CALHM6: variants seen among roughly 807,000 people sequenced by gnomAD.
CALHM6 encodes calcium homeostasis modulator family member 6.
Under a neutral mutation model 12.7 loss-of-function variants are expected in CALHM6, and 15 were observed. That is an observed-to-expected ratio of 1.18 (90% CI 0.79 to 1.82). The LOEUF (loss-of-function observed/expected upper bound fraction) is 1.82, where lower values mean the gene tolerates loss of function less well. CALHM6 is among the 40% of genes most tolerant of loss of function. CALHM6 has a pLI of 0.00. For missense variants in CALHM6, 434 were observed against 421.0 expected (o/e 1.03, Z -0.27); for synonymous variants, 212 against 193.7 (o/e 1.09, Z -0.78).
intron 2 of CALHM6, 102 bp downstream of exon 2, chr6:116,462,556 C>T (rs1784802992): frequency 1.4e-6 from 1 of 723,494 alleles, no homozygotes; most frequent in South Asian, 2.2e-5. Flanking sequence ...TCCAGATATA[C>T]AGTACCCTAA....
intron 1 of CALHM6, 124 bp downstream of exon 1, chr6:116,461,553 A>G (rs1784769143): frequency 5.4e-6 from 5 of 919,146 alleles, no homozygotes; most frequent in Non-Finnish European, 8.7e-6. Context: ...GTGGGTCAAG[A>G]AGGTTAGTTT....
Position 116,462,305 on chromosome 6 carries a change from TGCGCGGCCACCGGGA to T in CALHM6, c.385_399del (p.Thr129_Ala133del), listed in dbSNP as rs1421933959. 2.8e-6 allele frequency: 4 copies of T among 1,425,650 alleles called. No homozygotes were observed. The highest frequency in any genetic ancestry group is 2.7e-6 in the Non-Finnish European group (3 of 1,095,910). The allele number at this position is 1,425,650 out of a possible 1,614,324, so 88.3% of individuals were successfully genotyped here. On this transcript the variant is annotated inframe_deletion, in exon 2 of 3. Transcript: ENST00000368605. ...GCTGCTCGGGGGCGCCTTTTACGAG[TGCGCGGCCACCGGGA>T]GCGCGGCCTTCGCGCAGCGCCTGTG...
chr6:116,461,798 A>AAG, intron 1 of CALHM6, 74 bp from the exon 2 acceptor site: 1 of 1,068,644 alleles, frequency 9.4e-7, no homozygotes, highest in Non-Finnish European at 1.2e-6. Flanking sequence ...CCTTTAAAAA[A>AAG]AAAAAAAAAA....
Position 116,463,652 on chromosome 6 carries a change from C to A in CALHM6, c.895C>A (p.Pro299Thr), listed in dbSNP as rs377764786. Residue 299 changes from proline (P) to threonine (T), a missense_variant, in exon 3 of 3, where the codon CCT becomes ACT. Transcript: ENST00000368605. ...IRSTEGDTVIPVLGFVDSSGI... is the reference protein window; with the variant it reads ...IRSTEGDTVITVLGFVDSSGI... ...GTCTACTGAAGGAGATACGGTGATTCCTGTTCTTGGCTTTGTAGATTCATC... is the reference window on the plus strand; with the variant it reads ...GTCTACTGAAGGAGATACGGTGATTACTGTTCTTGGCTTTGTAGATTCATC... 3 of 1,613,658 alleles carry A rather than the reference C, an allele frequency of 1.9e-6. No homozygotes were observed. The African/African-American group carries it at 4.0e-5, about 22-fold the overall frequency.
Position 116,461,481 on chromosome 6 carries a change from G to A in CALHM6, c.-59+52G>A. On this transcript the variant is annotated intron_variant, in intron 1 of 2. Transcript: ENST00000368605. ...TTTGGTTTTACTGTGATCTGGCTTA[G>A]TAACTAGGGTGGCTGCAATAGAGGA... 2.0e-6 allele frequency: 3 copies of A among 1,504,808 alleles called. 1 individual carries two copies. The South Asian group carries it at 3.6e-5, about 18-fold the overall frequency. 93.2% of individuals were successfully genotyped at this position (1,504,808 alleles called of 1,614,324 possible).
Position 116,463,654 on chromosome 6 carries a change from T to A in CALHM6, c.897T>A (p.Pro299=). 6.2e-7 allele frequency: 1 copy of A among 1,613,530 alleles called. No homozygotes were observed. The highest frequency in any genetic ancestry group is 8.5e-7 in the Non-Finnish European group (1 of 1,179,816). ...CTACTGAAGGAGATACGGTGATTCC[T>A]GTTCTTGGCTTTGTAGATTCATCTG... ...IRSTEGDTVI[P]VLGFVDSSGI... The change falls in exon 3 of 3, where the codon CCT becomes CCA. Residue 299 remains proline, a synonymous_variant. Transcript: ENST00000368605.
chr6:116,461,766 G>T, intron 1 of CALHM6, 106 bp from the exon 2 acceptor site: 1 of 845,546 alleles, frequency 1.2e-6, no homozygotes, highest in Non-Finnish European at 1.7e-6. Context: ...GAAACTTTAG[G>T]AAGGTCTGAG....
At position 116,462,186 on chromosome 6, in the gene CALHM6, G is replaced by A; in HGVS notation, c.257G>A (p.Arg86His). Residue 86 changes from arginine (R) to histidine (H), a missense_variant, in exon 2 of 3, where the codon CGC (arginine) becomes CAC (histidine). Coordinates refer to ENST00000368605, the MANE Select transcript of CALHM6 (RefSeq NM_001010919.3). ...RLLTGCCSSA[R>H]ASCGSALRGS... ...CTCACCGGATGCTGCTCCAGCGCCC[G>A]CGCGAGTTGCGGATCGGCGCTGCGC... is the stretch of plus-strand genomic sequence containing the variant. 6.6e-7 allele frequency: 1 copy of A among 1,511,016 alleles called. No individual in the cohort carries two copies. Among genetic ancestry groups the A allele is most frequent in the Admixed American group, 2.0e-5 (1 of 49,528 alleles). 93.6% of individuals were successfully genotyped at this position (1,511,016 alleles called of 1,614,324 possible). A position where few individuals can be genotyped will look rare whatever the true frequency, so the allele number is the denominator to read the frequency against.
intron 1 of CALHM6, 126 bp downstream of exon 1, chr6:116,461,555 G>C: frequency 1.1e-6 from 1 of 907,864 alleles, no homozygotes; most frequent in Admixed American, 2.1e-5. Flanking sequence ...GGGTCAAGAA[G>C]GTTAGTTTCC....
intron 2 of CALHM6, among the ~76,000 whole-genome samples, chr6:116,462,775 C>T (rs1784807553): frequency 6.6e-6 from 1 of 152,058 alleles, no homozygotes; most frequent in Admixed American, 6.6e-5. Context: ...CACAACAGCT[C>T]TGTTGGGTGC....
intron 1 of CALHM6, 120 bp downstream of exon 1, chr6:116,461,549 C>G: frequency 2.1e-6 from 2 of 958,566 alleles, no homozygotes; most frequent in Admixed American, 2.1e-5. Context: ...GGCCGTGGGT[C>G]AAGAAGGTTA....
In CALHM6 at chr6:116,463,663, C is replaced by A. The variant is rs763020153; in HGVS notation, c.906C>A (p.Gly302=). 5.6e-6 allele frequency: 9 copies of A among 1,612,722 alleles called. No homozygotes were observed. Among genetic ancestry groups the A allele is most frequent in the Non-Finnish European group, 7.6e-6 (9 of 1,179,490 alleles). Residue 302 remains glycine, a synonymous_variant, in exon 3 of 3, where the codon GGC becomes GGA. Transcript: ENST00000368605. ...TEGDTVIPVL[G]FVDSSGINST... is the part of the protein sequence containing the mutation. ...GAGATACGGTGATTCCTGTTCTTGG[C>A]TTTGTAGATTCATCTGGTATAAACA...
chr6:116,462,033 C>G lies in CALHM6; in HGVS notation c.104C>G (p.Ser35Cys), dbSNP rs1345163206. 1.9e-6 allele frequency: 3 copies of G among 1,548,716 alleles called. No individual in the cohort carries two copies. Among genetic ancestry groups the G allele is most frequent in the Non-Finnish European group, 2.6e-6 (3 of 1,146,338 alleles). The part of the protein sequence containing the change: ...LLTAGGERIF[S>C]AVAFQCPCSA... ...ACGGCGGGCGGGGAGCGCATCTTCT[C>G]CGCCGTGGCATTCCAGTGCCCGTGC... The change falls in exon 2 of 3, where the codon TCC (serine) becomes TGC (cysteine). Residue 35 changes from serine to cysteine, a missense_variant. By Grantham distance (112) the Ser-to-Cys change is moderately radical (BLOSUM62 -1). Transcript: ENST00000368605.
In CALHM6 at chr6:116,461,943, G is replaced by C; in HGVS notation, c.14G>C (p.Arg5Pro). Reference protein sequence around the residue: MEKFRAVLDLHVKHH... With the variant: MEKFPAVLDLHVKHH... ...GGGACGAGGCTCATGGAGAAGTTTC[G>C]GGCGGTGCTGGACCTGCACGTCAAG... The change falls in exon 2 of 3, where the codon CGG becomes CCG. Residue 5 changes from arginine (R) to proline (P), a missense_variant. Physicochemically the swap from Arg to Pro is moderately radical, Grantham distance 103 (BLOSUM62 -2). Transcript: ENST00000368605. 1 of 1,517,450 alleles carries C rather than the reference G, an allele frequency of 6.6e-7. No individual in the cohort carries two copies. The highest frequency in any genetic ancestry group is 1.7e-4 in the Middle Eastern group (1 of 5,814). 94.0% of individuals were successfully genotyped at this position (1,517,450 alleles called of 1,614,324 possible). A position where few individuals can be genotyped will look rare whatever the true frequency, so the allele number is the denominator to read the frequency against.
In CALHM6 at chr6:116,462,468, G is replaced by A; in HGVS notation, c.525+14G>A. On this transcript the variant is annotated intron_variant, in intron 2 of 2. Coordinates refer to ENST00000368605, the MANE Select transcript of CALHM6 (RefSeq NM_001010919.3). ...GCTCAGTCGCAGGTCTGCCGCTGGC[G>A]CTGGGGGCGTTTGGGAGGAGCCGAG... 1.3e-6 allele frequency: 2 copies of A among 1,483,950 alleles called. No individual in the cohort carries two copies. The highest frequency in any genetic ancestry group is 2.9e-5 in the East Asian group (1 of 34,136). 91.9% of individuals were successfully genotyped at this position (1,483,950 alleles called of 1,614,324 possible). A position where few individuals can be genotyped will look rare whatever the true frequency, so the allele number is the denominator to read the frequency against.
rs1171767826 is a variant in CALHM6 at position 116,463,736 on chromosome 6, T to C, written c.*31T>C. 1 of 1,451,430 alleles carries C rather than the reference T, an allele frequency of 6.9e-7. No homozygotes were observed. Among genetic ancestry groups the C allele is most frequent in the African/African-American group, 1.4e-5 (1 of 70,436 alleles). The allele number at this position is 1,451,430 out of a possible 1,614,324, so 89.9% of individuals were successfully genotyped here. On this transcript the variant is annotated 3_prime_UTR_variant, in exon 3 of 3. Coordinates refer to ENST00000368605, the MANE Select transcript of CALHM6 (RefSeq NM_001010919.3). ...TGAATGAGTAGAAAAAAAAATTGTTTTGAATTATTGCTTTATTAAAAAATA... is the reference window on the plus strand; with the variant it reads ...TGAATGAGTAGAAAAAAAAATTGTTCTGAATTATTGCTTTATTAAAAAATA...
intron 1 of CALHM6, 115 bp from the exon 2 acceptor site, chr6:116,461,757 A>C: frequency 1.2e-6 from 1 of 823,714 alleles, no homozygotes; most frequent in Non-Finnish European, 1.8e-6. Context: ...TGAGAAAGTG[A>C]AACTTTAGGA....
rs1400362753 is a variant in CALHM6 at position 116,462,198 on chromosome 6, G to A, written c.269G>A (p.Gly90Glu). ...TGCTCCAGCGCCCGCGCGAGTTGCG[G>A]ATCGGCGCTGCGCGGCTCCCTGGTG... is the stretch of plus-strand genomic sequence containing the variant. ...GCCSSARASC[G>E]SALRGSLVCT... Residue 90 changes from glycine (G) to glutamate (E), a missense_variant, in exon 2 of 3, where the codon GGA becomes GAA. Gly to Glu is a moderately conservative substitution (Grantham distance 98). Transcript: ENST00000368605. The A allele has an allele frequency of 6.6e-7, 1 of 1,506,012 alleles. No homozygotes were observed. Among genetic ancestry groups the A allele is most frequent in the Non-Finnish European group, 8.8e-7 (1 of 1,131,084 alleles). The allele number at this position is 1,506,012 out of a possible 1,614,324, so 93.3% of individuals were successfully genotyped here. A position where few individuals can be genotyped will look rare whatever the true frequency, so the allele number is the denominator to read the frequency against.
rs1271133262 is a variant in CALHM6 at position 116,462,353 on chromosome 6, C to T, written c.424C>T (p.Arg142Cys). ...AAFAQRLCLGRNRSCAAELPL... is the reference protein window; with the variant it reads ...AAFAQRLCLGCNRSCAAELPL... The stretch of plus-strand genomic sequence containing the variant: ...CTTCGCGCAGCGCCTGTGCCTCGGC[C>T]GCAACCGCAGCTGCGCCGCGGAGCT... Residue 142 changes from arginine to cysteine, a missense_variant, in exon 2 of 3, where the codon CGC (arginine) becomes TGC (cysteine). By Grantham distance (180) the Arg-to-Cys change is radical. Transcript: ENST00000368605. 2 of 1,453,038 alleles carry T rather than the reference C, an allele frequency of 1.4e-6. No homozygotes were observed. The highest frequency in any genetic ancestry group is 1.4e-5 in the South Asian group (1 of 73,440). The allele number at this position is 1,453,038 out of a possible 1,614,324, so 90.0% of individuals were successfully genotyped here.
Sources: allele counts gnomAD v4.1 joint callset (sites outside exome capture counted in the v4.1 genomes callset), GRCh38; gene constraint gnomAD v4.1.1; transcripts MANE v1.5; gene names NCBI Gene and HGNC (gene_info 2026-07-23, HGNC 2026-07-21).